Variants in GPATCH2L observed in about 807,000 individuals in gnomAD.
The protein encoded by GPATCH2L is G patch domain-containing protein 2-like.
Under a neutral mutation model 57.4 loss-of-function variants are expected in GPATCH2L, and 31 were observed. The observed-to-expected ratio is 0.54, with a 90% CI of 0.41 to 0.73. The LOEUF is 0.73. GPATCH2L is among the 30% of genes least tolerant of loss of function. The probability of loss-of-function intolerance (pLI) is 0.00; values close to 1 mark genes in which losing one functional copy is unlikely to be tolerated. For synonymous variants in GPATCH2L, 199 were observed against 210.7 expected, an observed-to-expected ratio of 0.94 and a Z score of 0.48; for missense variants, 481 against 599.9, an observed-to-expected ratio of 0.80 and a Z score of 2.07.
At position 76,205,880 on chromosome 14, in the gene GPATCH2L, G is replaced by A. The variant is rs1273464225; in HGVS notation, c.*4029G>A. ...CATTACTGTGATTCTGAGCCACACA[G>A]GTTTTTCCCCCTGGGGAGAAGACTA... On this transcript the variant is annotated 3_prime_UTR_variant, in exon 10 of 10. Coordinates refer to ENST00000261530, the MANE Select transcript of GPATCH2L (RefSeq NM_017926.4). The A allele has an allele frequency of 6.6e-6, 1 of 152,352 alleles. No homozygotes were observed. The highest frequency in any genetic ancestry group is 2.4e-5 in the African/African-American group (1 of 41,460). The allele number at this position is 152,352 out of a possible 1,614,324, so 9.4% of individuals were successfully genotyped here.
In GPATCH2L at chr14:76,204,548, A is replaced by T. The variant is rs563200404; in HGVS notation, c.*2697A>T. ...GTATTTTGAATCTTAAAGTTTCTTT[A>T]TATGCGGCACAGTGTATAATGTCGT... On this transcript the variant is annotated 3_prime_UTR_variant, in exon 10 of 10. Transcript: ENST00000261530. 1 of 152,314 alleles carries T rather than the reference A, an allele frequency of 6.6e-6. No homozygotes were observed. Among genetic ancestry groups the T allele is most frequent in the South Asian group, 2.1e-4 (1 of 4,830 alleles). 9.4% of individuals were successfully genotyped at this position (152,314 alleles called of 1,614,324 possible).
At chr14:76,181,711 G>A (rs1333030261) in intron 8 of GPATCH2L, among the ~76,000 whole-genome samples, 1 of 152,120 alleles carries the variant, frequency 6.6e-6, no homozygotes, top group Non-Finnish European at 1.5e-5. Context: ...GGTGACATGG[G>A]AAGTAAATAT....
chr14:76,161,757 C>T (rs750751669), intron 2 of GPATCH2L, among the ~76,000 whole-genome samples: 6 of 152,180 alleles, frequency 3.9e-5, no homozygotes, highest in African/African-American at 1.2e-4. Context: ...AGCTCTAGGA[C>T]GGGTGCGGTG....
At chr14:76,172,717 CAGT>C (rs1219673978) in intron 4 of GPATCH2L, among the ~76,000 whole-genome samples, 1 of 152,162 alleles carries the variant, frequency 6.6e-6, no homozygotes, top group Non-Finnish European at 1.5e-5. Flanking sequence ...CTAGGGTTCC[CAGT>C]AACCCATAAT....
intron 8 of GPATCH2L, among the ~76,000 whole-genome samples, chr14:76,187,336 C>T (rs2039805926): frequency 6.6e-6 from 1 of 151,952 alleles, no homozygotes; most frequent in African/African-American, 2.4e-5. Context: ...GGGGACAGGA[C>T]CTCAGCTCAG....
intron 9 of GPATCH2L, among the ~76,000 whole-genome samples, chr14:76,199,091 A>G (rs182729258): frequency 2.4e-4 from 37 of 152,226 alleles, no homozygotes; most frequent in Non-Finnish European, 4.0e-4. Context: ...AAGAACATTT[A>G]TAGCAGATAT....
intron 2 of GPATCH2L, among the ~76,000 whole-genome samples, chr14:76,233,759 T>C (rs1211372386): frequency 6.6e-6 from 1 of 152,234 alleles, no homozygotes; most frequent in Non-Finnish European, 1.5e-5. Flanking sequence ...CCAGTTAGTA[T>C]TGAAATTTCC....
At chr14:76,227,862 GT>G (rs1337992507) in intron 1 of GPATCH2L, among the ~76,000 whole-genome samples, 1 of 152,162 alleles carries the variant, frequency 6.6e-6, no homozygotes, top group Non-Finnish European at 1.5e-5. Flanking sequence ...TAGAATCAGA[GT>G]TGGAAAAGCC....
rs2038177992 is a variant in GPATCH2L at position 76,154,048 on chromosome 14, C to T, written c.-10-306C>T. ...TGGGGAAAAGAGAGAAGGATCTAGT[C>T]CCCCGAATTTGTTTTGGGTCCTGTC... On this transcript the variant is annotated intron_variant, in intron 1 of 9. Transcript: ENST00000261530. This position sits in a 1 kb window ranked among gnomAD's most constrained non-coding sequence, Gnocchi z 4.4. The T allele has an allele frequency of 4.4e-6, 1 of 229,014 alleles. No individual in the cohort carries two copies. Among genetic ancestry groups the T allele is most frequent in the East Asian group, 9.6e-5 (1 of 10,404 alleles). 14.2% of individuals were successfully genotyped at this position (229,014 alleles called of 1,614,324 possible).
chr14:76,171,400 C>T (rs191373731), intron 3 of GPATCH2L, among the ~76,000 whole-genome samples: 7 of 152,092 alleles, frequency 4.6e-5, no homozygotes, highest in Admixed American at 3.3e-4. Context: ...CATGGCAAAA[C>T]CCCGTCTCTA....
rs2040370846 is a variant in GPATCH2L, at chr14:76,205,946, T to A, written c.*4095T>A. 6.6e-6 allele frequency: 1 copy of A among 152,516 alleles called. No homozygotes were observed. The highest frequency in any genetic ancestry group is 2.4e-5 in the African/African-American group (1 of 41,464). The allele number at this position is 152,516 out of a possible 1,614,324, so 9.4% of individuals were successfully genotyped here. A position where few individuals can be genotyped will look rare whatever the true frequency, so the allele number is the denominator to read the frequency against. On this transcript the variant is annotated 3_prime_UTR_variant, in exon 10 of 10. Coordinates refer to ENST00000261530, the MANE Select transcript of GPATCH2L (RefSeq NM_017926.4). ...GTTAGAAGCTGTGTTCAGTGCCCTA[T>A]ATGTCTTGTGAACCTATCTGAGCTG...
chr14:76,227,788 C>A (rs1479317291), intron 1 of GPATCH2L, among the ~76,000 whole-genome samples: 1 of 152,144 alleles, frequency 6.6e-6, no homozygotes, highest in East Asian at 1.9e-4. Context: ...GCCCAATTCC[C>A]CCAACAGGCA....
rs190987110 is a variant in GPATCH2L, at chr14:76,204,865, A to G, written c.*3014A>G. ...CATTATCTGCTTCTGTGAGGATCAT[A>G]ATAAAAAGTTAGTTTTAATTACGAG... On this transcript the variant is annotated 3_prime_UTR_variant, in exon 10 of 10. Coordinates refer to ENST00000261530, the MANE Select transcript of GPATCH2L (RefSeq NM_017926.4). 1.2e-4 allele frequency: 19 copies of G among 152,346 alleles called. No homozygotes were observed. The highest frequency in any genetic ancestry group is 1.1e-3 in the Admixed American group (17 of 15,312). The allele number at this position is 152,346 out of a possible 1,614,324, so 9.4% of individuals were successfully genotyped here. A position where few individuals can be genotyped will look rare whatever the true frequency, so the allele number is the denominator to read the frequency against.
downstream of GPATCH2L, chr14:76,214,365 A>T (rs564524911): frequency 6.6e-6 from 1 of 152,160 alleles, no homozygotes; most frequent in Non-Finnish European, 1.5e-5. Context: ...CTCTGCCATT[A>T]TGTCTTCTAA....
downstream of GPATCH2L, among the ~76,000 whole-genome samples, chr14:76,215,063 C>A (rs1238260913): frequency 6.6e-6 from 1 of 150,948 alleles, no homozygotes; most frequent in Non-Finnish European, 1.5e-5. Flanking sequence ...ACAAAAAAAC[C>A]AAAAATTATT....
At chr14:76,195,792 G>T in intron 8 of GPATCH2L, 86 bp from the exon 9 acceptor site, 1 of 997,120 alleles carries the variant, frequency 1.0e-6, no homozygotes, top group Non-Finnish European at 1.6e-6. Context: ...TCTGTAATAG[G>T]TTAAGGATTT....
intron 8 of GPATCH2L, among the ~76,000 whole-genome samples, chr14:76,191,521 T>C (rs183069726): frequency 6.6e-6 from 1 of 152,212 alleles, no homozygotes; most frequent in Non-Finnish European, 1.5e-5. Flanking sequence ...TGTGCTAATA[T>C]TCTGAATGTG....
chr14:76,231,968 C>CTGCAGCCTCACTGCAGCCTCAG (rs2040567159), intron 2 of GPATCH2L, among the ~76,000 whole-genome samples: 1 of 150,968 alleles, frequency 6.6e-6, no homozygotes, highest in Admixed American at 6.6e-5. Context: ...ACACATCTCA[C>CTGCAGCCTCACTGCAGCCTCAG]TGCAGCCTCA....
At chr14:76,183,706 G>T (rs1371900063) in intron 8 of GPATCH2L, among the ~76,000 whole-genome samples, 1 of 152,140 alleles carries the variant, frequency 6.6e-6, no homozygotes, top group Non-Finnish European at 1.5e-5. Flanking sequence ...AGGGCAACTG[G>T]TCACTCCTTT....
Sources: allele counts gnomAD v4.1 joint callset (sites outside exome capture counted in the v4.1 genomes callset), GRCh38; gene constraint gnomAD v4.1.1; non-coding constraint Gnocchi (gnomAD v3.1); transcripts MANE v1.5; gene names NCBI Gene and HGNC (gene_info 2026-07-23, HGNC 2026-07-21).